Variants in NIPA1 observed in about 807,000 individuals in gnomAD.
NIPA1 encodes the protein magnesium transporter NIPA1.
In NIPA1, 13 loss-of-function variants were observed where a neutral mutation model predicts 23.9. The ratio of observed to expected loss-of-function variants is 0.54; its 90% CI spans 0.35 to 0.87. The LOEUF (loss-of-function observed/expected upper bound fraction) is 0.87. Among genes scored for constraint, NIPA1 ranks in the 40% least tolerant of loss-of-function variants. NIPA1 has a pLI of 0.01. For missense variants in NIPA1, 362 were observed against 429.7 expected (o/e 0.84, Z 1.39); for synonymous variants, 234 against 202.9 (o/e 1.15, Z -1.30).
Position 22,786,671 on chromosome 15 carries a change from T to G in NIPA1, c.15T>G (p.Ala5=), listed in dbSNP as rs1455504935. The G allele has an allele frequency of 9.4e-6, 10 of 1,065,914 alleles. No homozygotes were observed. The highest frequency in any genetic ancestry group is 1.8e-5 in the African/African-American group (1 of 54,888). 66.0% of individuals were successfully genotyped at this position (1,065,914 alleles called of 1,614,324 possible). The part of the protein sequence containing the change: MGTA[A]AAAAAAAAAA... Reference sequence around the variant, plus strand: ...GCGCGGGCGGAATGGGGACTGCAGCTGCGGCAGCGGCGGCGGCGGCGGCGG... The same window carrying G: ...GCGCGGGCGGAATGGGGACTGCAGCGGCGGCAGCGGCGGCGGCGGCGGCGG... Residue 5 remains alanine (A), a synonymous_variant, in exon 1 of 5, where the codon GCT becomes GCG. Transcript: ENST00000337435.
Position 22,827,511 on chromosome 15 carries a change from C to G in NIPA1, c.*3272C>G, listed in dbSNP as rs1051065591. The G allele has an allele frequency of 1.3e-5, 2 of 152,294 alleles. No homozygotes were observed. Among genetic ancestry groups the G allele is most frequent in the Non-Finnish European group, 2.9e-5 (2 of 68,036 alleles). 9.4% of individuals were successfully genotyped at this position (152,294 alleles called of 1,614,324 possible). A position where few individuals can be genotyped will look rare whatever the true frequency, so the allele number is the denominator to read the frequency against. ...GGCCTTGCTCAGCTCTCATTGAGAT[C>G]TTTTCCTATCAGAATGTTAGTGAAT... On this transcript the variant is annotated 3_prime_UTR_variant, in exon 5 of 5. Transcript: ENST00000337435.
At chr15:22,803,043 G>C (rs1440079695) in intron 1 of NIPA1, among the ~76,000 whole-genome samples, 1 of 151,908 alleles carries the variant, frequency 6.6e-6, no homozygotes, top group Admixed American at 6.6e-5. Context: ...TGTAACCTCT[G>C]CCTACCGGGT....
At chr15:22,822,987 C>T (rs1471680175) in intron 4 of NIPA1, among the ~76,000 whole-genome samples, 4 of 128,890 alleles carry the variant, frequency 3.1e-5, no homozygotes, top group East Asian at 2.4e-4. Context: ...GGTGTGATCT[C>T]GGCTCACTGC....
chr15:22,786,608 C>A, upstream of NIPA1: 1 of 816,682 alleles, frequency 1.2e-6, no homozygotes, highest in Non-Finnish European at 1.5e-6. Context: ...CATCCCGCCC[C>A]GCGGGGCGCG....
chr15:22,801,354 G>A (rs1424844787), intron 1 of NIPA1, among the ~76,000 whole-genome samples: 5 of 152,010 alleles, frequency 3.3e-5, no homozygotes, highest in Non-Finnish European at 7.4e-5. Flanking sequence ...TACCCGTCAT[G>A]TATCAAGGAG....
chr15:22,795,977 G>T (rs1419991418), intron 1 of NIPA1, among the ~76,000 whole-genome samples: 1 of 152,052 alleles, frequency 6.6e-6, no homozygotes, highest in Non-Finnish European at 1.5e-5. Flanking sequence ...CGTCGCCCAG[G>T]CTGGAGTACA....
At chr15:22,817,808 GA>G (rs56218881) in intron 3 of NIPA1, among the ~76,000 whole-genome samples, 93,626 of 143,064 alleles carry the variant, frequency 0.65, 31,017 homozygotes, top group South Asian at 0.85. Flanking sequence ...GTGTCTCAAA[GA>G]AAAAAAAAAA....
At position 22,824,225 on chromosome 15, in the gene NIPA1, A is replaced by G; in HGVS notation, c.976A>G (p.Met326Val). 3 of 1,612,948 alleles carry G rather than the reference A, an allele frequency of 1.9e-6. No individual in the cohort carries two copies. Among genetic ancestry groups the G allele is most frequent in the Non-Finnish European group, 8.5e-7 (1 of 1,178,866 alleles). Residue 326 changes from methionine to valine, a missense_variant, in exon 5 of 5, where the codon ATG becomes GTG. Physicochemically the swap from Met to Val is conservative, Grantham distance 21 (BLOSUM62 1). This residue lies in a region of NIPA1 where 277 missense variants were observed against 372.0 expected (regional missense o/e 0.74). Coordinates refer to ENST00000337435, the MANE Select transcript of NIPA1 (RefSeq NM_144599.5). This position sits in a 1 kb window ranked among gnomAD's most constrained non-coding sequence, Gnocchi z 4.1. ...CCTTGGGGAGATGAACAAATCTAAT[A>G]TGAAAACAGACTAGATTGCAATAGG... Reference protein sequence around the residue: ...FNLGEMNKSNMKTD With the variant: ...FNLGEMNKSNVKTD
At chr15:22,807,368 C>G (rs1595638456) in intron 1 of NIPA1, among the ~76,000 whole-genome samples, 1 of 152,278 alleles carries the variant, frequency 6.6e-6, no homozygotes, top group Admixed American at 6.5e-5. Flanking sequence ...CACAGTCCAG[C>G]TGCTGTAGCA....
chr15:22,811,318 T>C lies in NIPA1; in HGVS notation c.226+522T>C, dbSNP rs114370117. On this transcript the variant is annotated intron_variant, in intron 2 of 4. Transcript: ENST00000337435. ...CAATTGTCTTTGAAATTCAGAAATA[T>C]TATGTTTGGCCAGGCATGGTGGCTC... Among the ~76,000 whole-genome samples the C allele has an allele frequency of 5.6e-3, 855 of 152,222 alleles. 10 individuals are homozygous for C. The highest frequency in any genetic ancestry group is 0.02 in the African/African-American group (811 of 41,534).
intron 3 of NIPA1, among the ~76,000 whole-genome samples, chr15:22,812,728 G>A (rs1184853900): frequency 6.6e-6 from 1 of 151,862 alleles, no homozygotes; most frequent in East Asian, 1.9e-4. Context: ...TGTAGTTCTG[G>A]GTAGTATTAA....
At chr15:22,815,429 T>G (rs1436788902) in intron 3 of NIPA1, among the ~76,000 whole-genome samples, 1 of 147,354 alleles carries the variant, frequency 6.8e-6, no homozygotes, top group East Asian at 2.0e-4. Flanking sequence ...GGTGGATCAT[T>G]TGAACCCAGG....
intron 1 of NIPA1, among the ~76,000 whole-genome samples, chr15:22,803,501 G>T: frequency 8.2e-6 from 1 of 122,398 alleles, no homozygotes; most frequent in African/African-American, 3.2e-5. Context: ...TCTTAAAAGT[G>T]CCTTTTTTTT....
chr15:22,803,930 C>T (rs890222542), intron 1 of NIPA1, among the ~76,000 whole-genome samples: 1 of 151,592 alleles, frequency 6.6e-6, no homozygotes, highest in African/African-American at 2.4e-5. Context: ...CTGCCCGCCT[C>T]GGCCTCCGAA....
intron 4 of NIPA1, among the ~76,000 whole-genome samples, chr15:22,821,053 C>T (rs889892192): frequency 2.0e-5 from 3 of 151,598 alleles, no homozygotes; most frequent in African/African-American, 7.3e-5. Context: ...TCTCAGCTCA[C>T]TGCGAGCTCC....
chr15:22,792,382 G>A (rs1300620977), intron 1 of NIPA1, among the ~76,000 whole-genome samples: 2 of 150,952 alleles, frequency 1.3e-5, no homozygotes, highest in Non-Finnish European at 3.0e-5. Flanking sequence ...TTTTTGAGAC[G>A]GAGTCTCGCT....
chr15:22,789,212 C>T (rs1183301702), intron 1 of NIPA1, among the ~76,000 whole-genome samples: 7 of 152,042 alleles, frequency 4.6e-5, no homozygotes, highest in African/African-American at 1.7e-4. Context: ...TGGTCCCGAA[C>T]TCCAGACCTC....
intron 4 of NIPA1, among the ~76,000 whole-genome samples, chr15:22,821,713 C>G (rs1237069851): frequency 6.6e-6 from 1 of 151,926 alleles, no homozygotes; most frequent in Non-Finnish European, 1.5e-5. Context: ...TCCACACTCA[C>G]TGGTTTTCTT....
intron 1 of NIPA1, among the ~76,000 whole-genome samples, chr15:22,806,873 G>A: frequency 6.6e-6 from 1 of 152,150 alleles, no homozygotes; most frequent in East Asian, 1.9e-4. Flanking sequence ...CTGCAGGGCA[G>A]AACAGGGGAC....
Sources: gnomAD v4.1 joint callset for allele counts (sites outside exome capture counted in the v4.1 genomes callset) on GRCh38, gnomAD v4.1.1 for gene constraint, gnomAD v4.1.1 regional missense constraint, Gnocchi (gnomAD v3.1) non-coding constraint, MANE v1.5 for transcripts, NCBI Gene and HGNC (gene_info 2026-07-23, HGNC 2026-07-21) for gene names.